Variants in HELQ observed in about 807,000 individuals in gnomAD.
The protein encoded by HELQ is helicase, POLQ like, also known as helicase POLQ-like.
HELQ carries 77 observed loss-of-function variants against 111.6 expected under a neutral mutation model. That is an observed-to-expected ratio of 0.69 (90% CI 0.57 to 0.83). The LOEUF (loss-of-function observed/expected upper bound fraction) is 0.83. Among genes scored for constraint, HELQ ranks in the 40% least tolerant of loss-of-function variants. The pLI, the probability that HELQ is intolerant of heterozygous loss-of-function variation, is 0.00. For missense variants in HELQ, 1,200 were observed against 1,288.5 expected, an observed-to-expected ratio of 0.93 and a Z score of 1.05; for synonymous variants, 438 against 454.7, an observed-to-expected ratio of 0.96 and a Z score of 0.47.
At chr4:83,439,025 T>C (rs1321363334) in intron 8 of HELQ, among the ~76,000 whole-genome samples, 1 of 152,118 alleles carries the variant, frequency 6.6e-6, no homozygotes, top group East Asian at 1.9e-4. Context: ...GACCTAATAT[T>C]ACTTAACATT....
At chr4:83,444,585 T>C (rs6535474) in intron 5 of HELQ, among the ~76,000 whole-genome samples, 12,251 of 152,192 alleles carry the variant, frequency 0.08, 1,625 homozygotes, top group African/African-American at 0.28. Flanking sequence ...TATGACATCC[T>C]GGGCAATACA....
At chr4:83,418,876 T>G (rs1477569788) in intron 15 of HELQ, among the ~76,000 whole-genome samples, 1 of 152,166 alleles carries the variant, frequency 6.6e-6, no homozygotes, top group African/African-American at 2.4e-5. Flanking sequence ...AACAGAACTA[T>G]TGAATCAATC....
At chr4:83,420,971 T>TA (rs1431933062) in intron 15 of HELQ, among the ~76,000 whole-genome samples, 1 of 152,030 alleles carries the variant, frequency 6.6e-6, no homozygotes, top group Non-Finnish European at 1.5e-5. Flanking sequence ...CACGCCTGGC[T>TA]AATTTTTCTT....
At chr4:83,419,941 T>C (rs1739579909) in intron 15 of HELQ, among the ~76,000 whole-genome samples, 1 of 152,170 alleles carries the variant, frequency 6.6e-6, no homozygotes, top group African/African-American at 2.4e-5. Context: ...TTAATTGCCA[T>C]ATACATATAC....
chr4:83,453,846 G>T lies in HELQ; in HGVS notation c.397C>A (p.Leu133Ile), dbSNP rs764414033. ...VDDLEQKYMQ[L>I]PEHKKHATDF... ...GTAGCATGTTTCTTATGTTCAGGGA[G>T]TTGCATATATTTTTGTTCCAGGTCG... is the stretch of plus-strand genomic sequence containing the variant. Residue 133 changes from leucine to isoleucine, a missense_variant, in exon 2 of 18, where the codon CTC (leucine) becomes ATC (isoleucine). By Grantham distance (5) the Leu-to-Ile change is conservative (BLOSUM62 2). Coordinates refer to ENST00000295488, the MANE Select transcript of HELQ (RefSeq NM_133636.5). The T allele has an allele frequency of 1.2e-6, 2 of 1,613,784 alleles. No individual in the cohort carries two copies. The highest frequency in any genetic ancestry group is 4.5e-5 in the East Asian group (2 of 44,884).
Position 83,424,309 on chromosome 4 carries a change from GTTTGT to G in HELQ, c.2775+1680_2775+1684del, listed in dbSNP as rs953100948. ...TACATTTCAGAGTTTGATATAAAAG[GTTTGT>G]TTTAAGAAATATTTTTATTCAGCAT... On this transcript the variant is annotated intron_variant, in intron 14 of 17. Transcript: ENST00000295488. 7.2e-5 allele frequency among the ~76,000 whole-genome samples: 11 copies of G among 152,148 alleles called. No homozygotes were observed. The South Asian group carries it at 8.3e-4, about 11-fold the overall frequency.
upstream of HELQ, chr4:83,455,874 A>C: frequency 2.6e-6 from 2 of 774,152 alleles, no homozygotes; most frequent in South Asian, 1.7e-5. Context: ...TCCAATCATA[A>C]GCCTCACGTG....
chr4:83,413,345 T>C (rs564318294), intron 17 of HELQ, among the ~76,000 whole-genome samples: 1 of 152,312 alleles, frequency 6.6e-6, no homozygotes, highest in African/African-American at 2.4e-5. Context: ...TTGCTTGTTT[T>C]TTTGGGGAGA....
intron 17 of HELQ, among the ~76,000 whole-genome samples, chr4:83,412,206 C>G (rs939701580): frequency 6.6e-6 from 1 of 152,152 alleles, no homozygotes; most frequent in African/African-American, 2.4e-5. Context: ...TATGGTTATC[C>G]TATTTCTAGT....
chr4:83,408,265 CT>C (rs1273228363), intron 17 of HELQ, among the ~76,000 whole-genome samples: 1 of 149,700 alleles, frequency 6.7e-6, no homozygotes, highest in African/African-American at 2.4e-5. Context: ...GCCTTTTTTT[CT>C]TTTTTAGACG....
At position 83,455,778 on chromosome 4, in the gene HELQ, G is replaced by T; in HGVS notation, c.-85C>A. On this transcript the variant is annotated 5_prime_UTR_variant, in exon 1 of 18. Coordinates refer to ENST00000295488, the MANE Select transcript of HELQ (RefSeq NM_133636.5). The stretch of plus-strand genomic sequence containing the variant: ...ATGGAAGGGAGAGTGGGACGCCGGA[G>T]CCCGCTTCTACATCCACCTTGGGAA... 7.5e-7 allele frequency: 1 copy of T among 1,338,452 alleles called. No homozygotes were observed. Among genetic ancestry groups the T allele is most frequent in the Non-Finnish European group, 1.0e-6 (1 of 971,018 alleles). The allele number at this position is 1,338,452 out of a possible 1,614,324, so 82.9% of individuals were successfully genotyped here.
rs2110018955 is a variant in HELQ at position 83,453,991 on chromosome 4, A to G, written c.298-46T>C. ...CTTATGGTCAATTCCAGTTTCATTA[A>G]GAATAAAAGCTTCACCAGCCTGGCC... On this transcript the variant is annotated intron_variant, in intron 1 of 17. Coordinates refer to ENST00000295488, the MANE Select transcript of HELQ (RefSeq NM_133636.5). 3 of 1,190,086 alleles carry G rather than the reference A, an allele frequency of 2.5e-6. No individual in the cohort carries two copies. In the South Asian group the frequency reaches 4.1e-5, roughly 16 times the overall value. 73.7% of individuals were successfully genotyped at this position (1,190,086 alleles called of 1,614,324 possible).
At chr4:83,420,104 G>A (rs978984660) in intron 15 of HELQ, among the ~76,000 whole-genome samples, 2 of 152,088 alleles carry the variant, frequency 1.3e-5, no homozygotes, top group Non-Finnish European at 2.9e-5. Flanking sequence ...CAGCAAAAAT[G>A]GCTTATATTA....
chr4:83,438,356 A>G (rs1265388198), intron 8 of HELQ, among the ~76,000 whole-genome samples: 1 of 152,222 alleles, frequency 6.6e-6, no homozygotes, highest in African/African-American at 2.4e-5. Context: ...CAGAGCCAAT[A>G]TTAAGATACT....
chr4:83,421,142 T>C (rs1739660878), intron 15 of HELQ, among the ~76,000 whole-genome samples: 1 of 152,200 alleles, frequency 6.6e-6, no homozygotes, highest in Non-Finnish European at 1.5e-5. Flanking sequence ...GAGAATATGG[T>C]ACTAAATAGT....
intron 14 of HELQ, among the ~76,000 whole-genome samples, chr4:83,424,751 T>G (rs1434775944): frequency 6.6e-6 from 1 of 151,654 alleles, no homozygotes; most frequent in Admixed American, 6.6e-5. Flanking sequence ...GGAGATAGGG[T>G]TTCACCATGT....
chr4:83,443,664 T>A, intron 5 of HELQ, 50 bp from the exon 6 acceptor site: 1 of 731,988 alleles, frequency 1.4e-6, no homozygotes, highest in Non-Finnish European at 2.3e-6. Flanking sequence ...ATATGTTATT[T>A]AATATATCAT....
At chr4:83,421,868 T>C in intron 14 of HELQ, 132 bp from the exon 15 acceptor site, 1 of 671,562 alleles carries the variant, frequency 1.5e-6, no homozygotes, top group Non-Finnish European at 2.6e-6. Flanking sequence ...GAAACAAAAC[T>C]AATTTCTAAC....
intron 2 of HELQ, among the ~76,000 whole-genome samples, chr4:83,451,522 C>G (rs1406366052): frequency 6.6e-6 from 1 of 151,936 alleles, no homozygotes; most frequent in Non-Finnish European, 1.5e-5. Context: ...AAAAATTAGC[C>G]GGGCGTGGTG....
Sources: gnomAD v4.1 joint callset for allele counts (sites outside exome capture counted in the v4.1 genomes callset) on GRCh38, gnomAD v4.1.1 for gene constraint, MANE v1.5 for transcripts, NCBI Gene and HGNC (gene_info 2026-07-23, HGNC 2026-07-21) for gene names.